EIF4A1: variants seen among roughly 807,000 people sequenced by gnomAD.
EIF4A1 encodes the protein eukaryotic initiation factor 4A-I.
Under a neutral mutation model 53.5 loss-of-function variants are expected in EIF4A1, and 11 were observed. That is an observed-to-expected ratio of 0.21 (90% CI 0.13 to 0.34). The LOEUF is 0.34. Among genes scored for constraint, EIF4A1 ranks in the 10% least tolerant of loss-of-function variants. The pLI is 1.00. For missense variants in EIF4A1, 213 were observed against 530.8 expected, an observed-to-expected ratio of 0.40 and a Z score of 5.88; for synonymous variants, 237 against 186.7, an observed-to-expected ratio of 1.27 and a Z score of -2.20.
intron 4 of EIF4A1, chr17:7,575,672 A>T (rs956274358): frequency 3.0e-6 from 1 of 329,674 alleles, no homozygotes; most frequent in Non-Finnish European, 6.0e-6. Flanking sequence ...TTCCTGGGTC[A>T]TGCTGCAACA....
chr17:7,576,759 C>T (rs937530153), intron 5 of EIF4A1, 67 bp downstream of exon 5: 63 of 1,561,262 alleles, frequency 4.0e-5, no homozygotes, highest in Non-Finnish European at 5.0e-5. Context: ...AGTCTTTCAG[C>T]GTAAGCCAGA....
intron 9 of EIF4A1, 63 bp from the exon 10 acceptor site, chr17:7,578,102 G>C: frequency 6.2e-7 from 1 of 1,610,630 alleles, no homozygotes; most frequent in Non-Finnish European, 8.5e-7. Context: ...ATGCCTAAGT[G>C]TCTTCCCTCC....
chr17:7,573,121 G>T, intron 1 of EIF4A1: 1 of 610,064 alleles, frequency 1.6e-6, no homozygotes, highest in South Asian at 2.0e-5. Context: ...GCGGTGCCAT[G>T]CGCGAAGCCC....
chr17:7,574,275 C>A lies in EIF4A1; in HGVS notation c.39C>A (p.Gly13=), dbSNP rs1330785347. The part of the protein sequence containing the change: ...ASQDSRSRDN[G]PDGMEPEGVI... ...AAACCAACAGATCCAGAGACAATGG[C>A]CCCGATGGGATGGAGCCCGAAGGCG... The change falls in exon 2 of 11, where the codon GGC becomes GGA. Residue 13 remains glycine, a synonymous_variant. Coordinates refer to ENST00000293831, the MANE Select transcript of EIF4A1 (RefSeq NM_001416.4). 6.2e-7 allele frequency: 1 copy of A among 1,614,156 alleles called. No individual in the cohort carries two copies. Among genetic ancestry groups the A allele is most frequent in the Admixed American group, 1.7e-5 (1 of 60,020 alleles).
chr17:7,578,581 TC>T lies in EIF4A1; in HGVS notation c.*96del. 2.2e-6 allele frequency: 3 copies of T among 1,362,424 alleles called. No individual in the cohort carries two copies. The highest frequency in any genetic ancestry group is 2.9e-6 in the Non-Finnish European group (3 of 1,042,498). 84.4% of individuals were successfully genotyped at this position (1,362,424 alleles called of 1,614,324 possible). On this transcript the variant is annotated 3_prime_UTR_variant, in exon 11 of 11. Transcript: ENST00000293831. ...AGGGAAGGGAGCCAAGGGATGGACA[TC>T]TTGTCATTTTTTTTCTTTGAATAAA...
At chr17:7,573,317 G>A (rs111633209) in intron 1 of EIF4A1, 34,924 of 246,892 alleles carry the variant, frequency 0.14, 2,634 homozygotes, top group South Asian at 0.18. Context: ...CTGGTCCTTA[G>A]ATCCAGTCAC....
rs1440786933 is a variant in EIF4A1, at chr17:7,573,020, CGGCCGACGCGGCCACCA to C, written c.23+159_23+175del. Among the ~76,000 whole-genome samples the C allele has an allele frequency of 1.3e-4, 20 of 152,258 alleles. No individual in the cohort carries two copies. The East Asian group carries it at 3.9e-3, about 30-fold the overall frequency. On this transcript the variant is annotated intron_variant, in intron 1 of 10. Coordinates refer to ENST00000293831, the MANE Select transcript of EIF4A1 (RefSeq NM_001416.4). ...TTGGAGGGGCGAGGGGGAAGACCCA[CGGCCGACGCGGCCACCA>C]GGTCGAGGCGGAGGGTAGGGACAGC...
At chr17:7,576,485 TGG>T (rs767265559) in intron 4 of EIF4A1, 37 bp from the exon 5 acceptor site, 1 of 1,520,030 alleles carries the variant, frequency 6.6e-7, no homozygotes, top group Middle Eastern at 1.8e-4. Context: ...CCGGGCACAG[TGG>T]TAACTGACAT....
Position 7,577,984 on chromosome 17 carries a change from A to T in EIF4A1, c.996+68A>T. The T allele has an allele frequency of 6.2e-7, 1 of 1,600,546 alleles. No individual in the cohort carries two copies. Among genetic ancestry groups the T allele is most frequent in the East Asian group, 2.2e-5 (1 of 44,804 alleles). ...AAGGTGATTCCCTCTCCAAGGGGAC[A>T]TCAGTGCCTCTCAGGAAAGTAGCAG... On this transcript the variant is annotated intron_variant, in intron 9 of 10. Transcript: ENST00000293831. This position sits in a 1 kb window ranked among gnomAD's most constrained non-coding sequence, Gnocchi z 4.7.
rs374805158 is a variant in EIF4A1 at position 7,572,926 on chromosome 17, C to A, written c.23+62C>A. 1.5e-4 allele frequency: 235 copies of A among 1,613,958 alleles called. 1 individual carries two copies. The African/African-American group carries it at 2.6e-3, about 18-fold the overall frequency. On this transcript the variant is annotated intron_variant, in intron 1 of 10. Transcript: ENST00000293831. ...TTTTGCCGCCCCCTTCCGACGGGCC[C>A]GCCGGGGGTAGCTGAGAGGCCCACC...
rs756796947 is a variant in EIF4A1 at position 7,575,110 on chromosome 17, T to A, written c.206-9T>A. 1.9e-6 allele frequency: 3 copies of A among 1,611,426 alleles called. No individual in the cohort carries two copies. The highest frequency in any genetic ancestry group is 2.5e-6 in the Non-Finnish European group (3 of 1,179,420). On this transcript the variant is annotated splice_polypyrimidine_tract_variant and intron_variant, in intron 3 of 10. Coordinates refer to ENST00000293831, the MANE Select transcript of EIF4A1 (RefSeq NM_001416.4). ...TTTACCACATTCAACTCCTAATTTA[T>A]TTGTTTAGGTTATGATGTGATTGCT...
At chr17:7,576,939 T>C (rs1411641392) in intron 5 of EIF4A1, 117 bp from the exon 6 acceptor site, 1 of 1,378,330 alleles carries the variant, frequency 7.3e-7, no homozygotes, top group African/African-American at 1.4e-5. Context: ...GATCAGTCTT[T>C]GTACTCTGAG....
chr17:7,577,219 A>AG lies in EIF4A1; in HGVS notation c.624+58dup. 10 of 1,571,178 alleles carry AG rather than the reference A, an allele frequency of 6.4e-6. No homozygotes were observed. Among genetic ancestry groups the AG allele is most frequent in the Non-Finnish European group, 7.7e-6 (9 of 1,161,294 alleles). On this transcript the variant is annotated intron_variant, in intron 6 of 10. Coordinates refer to ENST00000293831, the MANE Select transcript of EIF4A1 (RefSeq NM_001416.4). This position sits in a 1 kb window ranked among gnomAD's most constrained non-coding sequence, Gnocchi z 4.7. ...TGATTCTTGAAAAATAGTAAGTGCC[A>AG]GGGGAACCATATACTGGATTCTTGA...
intron 5 of EIF4A1, 124 bp from the exon 6 acceptor site, chr17:7,576,932 C>G (rs1265463203): frequency 8.8e-6 from 12 of 1,359,410 alleles, no homozygotes; most frequent in Non-Finnish European, 1.3e-5. Flanking sequence ...GGCAAAGGAT[C>G]AGTCTTTGTA....
chr17:7,574,492 A>G (rs2071373476), intron 2 of EIF4A1, 54 bp from the exon 3 acceptor site: 3 of 1,610,758 alleles, frequency 1.9e-6, no homozygotes, highest in Non-Finnish European at 1.7e-6. Flanking sequence ...CGGAGACTAC[A>G]GCTCAGCTCC....
chr17:7,577,307 G>GA lies in EIF4A1; in HGVS notation c.625-35dup. On this transcript the variant is annotated intron_variant, in intron 6 of 10. Transcript: ENST00000293831. This position sits in a 1 kb window ranked among gnomAD's most constrained non-coding sequence, Gnocchi z 4.7. ...AGGGAAGGGAGCAGGCCTCAGGAAG[G>GA]AACCAGCACTCTAAGACTGGCCTTT... The GA allele has an allele frequency of 6.2e-7, 1 of 1,611,236 alleles. No individual in the cohort carries two copies. The highest frequency in any genetic ancestry group is 8.5e-7 in the Non-Finnish European group (1 of 1,178,262).
chr17:7,576,692 TGTGA>T lies in EIF4A1; in HGVS notation c.514+3_514+6del. ...TGATATGCTTAACCGGAGATACCTG[TGTGA>T]GTAATTCGGTTCTCCAATCCCCTGG... On this transcript the variant is annotated splice_donor_variant and splice_donor_region_variant and intron_variant, in intron 5 of 10. Coordinates refer to ENST00000293831, the MANE Select transcript of EIF4A1 (RefSeq NM_001416.4). LOFTEE classifies it high-confidence loss of function. 6.3e-7 allele frequency: 1 copy of T among 1,599,630 alleles called. No homozygotes were observed. The highest frequency in any genetic ancestry group is 8.5e-7 in the Non-Finnish European group (1 of 1,171,492).
chr17:7,575,074 A>G (rs774480509), intron 3 of EIF4A1, 45 bp from the exon 4 acceptor site: 1 of 1,607,400 alleles, frequency 6.2e-7, no homozygotes, highest in South Asian at 1.1e-5. Flanking sequence ...AATATCCCAA[A>G]GGGTATGCTC....
At chr17:7,575,528 C>T (rs1597849237) in intron 4 of EIF4A1, 3 of 548,722 alleles carry the variant, frequency 5.5e-6, no homozygotes, top group East Asian at 7.0e-5. Flanking sequence ...AGCACCTTCA[C>T]TATGGGCTAA....
Sources: gnomAD v4.1 joint callset for allele counts (sites outside exome capture counted in the v4.1 genomes callset) on GRCh38, gnomAD v4.1.1 for gene constraint, Gnocchi (gnomAD v3.1) non-coding constraint, MANE v1.5 for transcripts, NCBI Gene and HGNC (gene_info 2026-07-23, HGNC 2026-07-21) for gene names.